Variants in RGS6 observed in about 807,000 individuals in gnomAD.
RGS6 encodes the protein regulator of G protein signaling 6, also known as regulator of G-protein signaling 6.
In RGS6, 30 loss-of-function variants were observed where a neutral mutation model predicts 78.5. The observed-to-expected ratio is 0.38, with a 90% CI of 0.29 to 0.52. The LOEUF is 0.52. Among genes scored for constraint, RGS6 ranks in the 20% least tolerant of loss-of-function variants. RGS6 has a pLI of 0.85. For synonymous variants in RGS6, 206 were observed against 206.0 expected, an observed-to-expected ratio of 1.00 and a Z score of 0.00; for missense variants, 495 against 609.7, an observed-to-expected ratio of 0.81 and a Z score of 1.98.
At chr14:72,147,853 T>C (rs2096626240) in intron 2 of RGS6, among the ~76,000 whole-genome samples, 1 of 152,086 alleles carries the variant, frequency 6.6e-6, no homozygotes, top group Non-Finnish European at 1.5e-5. Context: ...TTGAGAAGTC[T>C]GGGTGCAGTG....
intron 2 of RGS6, among the ~76,000 whole-genome samples, chr14:72,217,572 A>G (rs1331138733): frequency 2.0e-5 from 3 of 152,304 alleles, no homozygotes; most frequent in Middle Eastern, 6.8e-3. Flanking sequence ...AAGTAACACA[A>G]TATGGGCTCA....
chr14:71,949,426 T>A (rs1349054003), intron 1 of RGS6, among the ~76,000 whole-genome samples: 1 of 152,216 alleles, frequency 6.6e-6, no homozygotes, highest in East Asian at 1.9e-4. Flanking sequence ...CTGATGATGA[T>A]GTGCCTTTTT....
intron 2 of RGS6, among the ~76,000 whole-genome samples, chr14:72,325,568 A>C (rs1460036485): frequency 6.6e-6 from 1 of 152,196 alleles, no homozygotes; most frequent in African/African-American, 2.4e-5. Flanking sequence ...AGCTTTCTAC[A>C]TATGGCTAGC....
chr14:72,121,420 T>C (rs2153570528), intron 2 of RGS6, among the ~76,000 whole-genome samples: 1 of 152,312 alleles, frequency 6.6e-6, no homozygotes, highest in Non-Finnish European at 1.5e-5. Flanking sequence ...ATTGTAGGCC[T>C]GTCTACACTG....
chr14:72,611,590 G>A, the RGS6 span, among the ~76,000 whole-genome samples: 1 of 152,190 alleles, frequency 6.6e-6, no homozygotes, highest in African/African-American at 2.4e-5. Flanking sequence ...CTCTGATCAG[G>A]CCCTGCCAGT....
chr14:72,280,558 G>A (rs1481866566), intron 2 of RGS6, among the ~76,000 whole-genome samples: 1 of 152,210 alleles, frequency 6.6e-6, no homozygotes, highest in East Asian at 1.9e-4. Flanking sequence ...AACAAATGTA[G>A]TGTGCACTAA....
intron 3 of RGS6, among the ~76,000 whole-genome samples, chr14:72,355,192 C>G (rs903153359): frequency 6.7e-6 from 1 of 149,658 alleles, no homozygotes; most frequent in Admixed American, 6.7e-5. Flanking sequence ...AAAATTTCCT[C>G]TGGTTCTTTT....
chr14:72,416,168 T>C (rs1245847638), intron 3 of RGS6, among the ~76,000 whole-genome samples: 1 of 151,682 alleles, frequency 6.6e-6, no homozygotes, highest in Non-Finnish European at 1.5e-5. Context: ...AAAAAGTTTA[T>C]TCCTAGTTTT....
intron 10 of RGS6, 109 bp from the exon 11 acceptor site, chr14:72,476,633 T>C (rs1448674566): frequency 1.7e-5 from 12 of 720,872 alleles, no homozygotes; most frequent in East Asian, 2.7e-5. Context: ...CAATCTCTTA[T>C]TGTCATGAGG....
At chr14:72,467,011 T>A (rs2095934595) in intron 7 of RGS6, among the ~76,000 whole-genome samples, 1 of 141,672 alleles carries the variant, frequency 7.1e-6, no homozygotes, top group South Asian at 2.1e-4. Flanking sequence ...TCCTTCTCTA[T>A]CTTTCTTCAT....
chr14:72,578,684 G>A, the RGS6 span, among the ~76,000 whole-genome samples: 2 of 152,220 alleles, frequency 1.3e-5, no homozygotes, highest in Non-Finnish European at 1.5e-5. Flanking sequence ...AATGAGACCC[G>A]CACACAGCGG....
chr14:71,923,454 T>C, the RGS6 span, among the ~76,000 whole-genome samples: 2 of 152,110 alleles, frequency 1.3e-5, no homozygotes, highest in Non-Finnish European at 2.9e-5. Flanking sequence ...GGCATGGTGG[T>C]GTACACCTGT....
At chr14:72,276,987 C>CT (rs1013803770) in intron 2 of RGS6, among the ~76,000 whole-genome samples, 9 of 152,050 alleles carry the variant, frequency 5.9e-5, no homozygotes, top group Admixed American at 3.3e-4. Context: ...GGATATTTGT[C>CT]TTTTTTGTGC....
chr14:72,113,580 A>G (rs1354178758), intron 2 of RGS6, among the ~76,000 whole-genome samples: 1 of 152,228 alleles, frequency 6.6e-6, no homozygotes, highest in East Asian at 1.9e-4. Context: ...TGCTACTGCT[A>G]TGTAACAAAC....
the RGS6 span, among the ~76,000 whole-genome samples, chr14:71,871,670 C>T: frequency 3.8e-3 from 573 of 152,284 alleles, 7 homozygotes; most frequent in African/African-American, 0.013. Context: ...TCCTCCCTGA[C>T]CCCTTTGTCT....
chr14:72,588,134 A>AC, the RGS6 span, among the ~76,000 whole-genome samples: 1 of 151,876 alleles, frequency 6.6e-6, no homozygotes, highest in Non-Finnish European at 1.5e-5. Flanking sequence ...CTACCTAGGG[A>AC]CCCCCATAAT....
the RGS6 span, among the ~76,000 whole-genome samples, chr14:71,870,389 T>C: frequency 6.6e-6 from 1 of 151,962 alleles, no homozygotes; most frequent in South Asian, 2.1e-4. Context: ...CCCAGTGCTG[T>C]TGAGGGTGGG....
At position 72,243,060 on chromosome 14, in the gene RGS6, C is replaced by G. The variant is rs149126871; in HGVS notation, c.85-109035C>G. ...AGAGTCAGGGTTTCACCACGTGGGT[C>G]AGGCTGGTCTCAAACTTCTGACCTG... On this transcript the variant is annotated intron_variant, in intron 2 of 17. Coordinates refer to ENST00000553525, the MANE Select transcript of RGS6 (RefSeq NM_001204424.2). Among the ~76,000 whole-genome samples, 191 of 151,976 alleles carry G rather than the reference C, an allele frequency of 1.3e-3. 1 individual carries two copies. The highest frequency in any genetic ancestry group is 2.3e-3 in the Non-Finnish European group (155 of 67,978).
At chr14:72,235,379 G>T (rs1397420622) in intron 2 of RGS6, among the ~76,000 whole-genome samples, 1 of 152,240 alleles carries the variant, frequency 6.6e-6, no homozygotes, top group Non-Finnish European at 1.5e-5. Context: ...GCCTGGGACA[G>T]TGGGGACTGG....
Sources: allele counts gnomAD v4.1 joint callset (sites outside exome capture counted in the v4.1 genomes callset), GRCh38; gene constraint gnomAD v4.1.1; transcripts MANE v1.5; gene names NCBI Gene and HGNC (gene_info 2026-07-23, HGNC 2026-07-21).